The following ARHGAP15 variants were observed in gnomAD, a reference collection of about 807,000 sequenced individuals.
ARHGAP15 encodes the protein rho GTPase-activating protein 15.
Under a neutral mutation model 63.7 loss-of-function variants are expected in ARHGAP15, and 51 were observed. The observed-to-expected ratio is 0.80, with a 90% confidence interval of 0.64 to 1.01. The LOEUF (loss-of-function observed/expected upper bound fraction) is 1.01. ARHGAP15 is among the 50% of genes least tolerant of loss of function. The probability of loss-of-function intolerance (pLI) is 0.00; values close to 1 mark genes in which losing one functional copy is unlikely to be tolerated. For missense variants in ARHGAP15, 560 were observed against 564.6 expected, an observed-to-expected ratio of 0.99 and a Z score of 0.08; for synonymous variants, 191 against 193.8, an observed-to-expected ratio of 0.99 and a Z score of 0.12.
intron 12 of ARHGAP15, among the ~76,000 whole-genome samples, chr2:143,644,951 T>C (rs978847080): frequency 2.0e-5 from 3 of 152,036 alleles, no homozygotes; most frequent in African/African-American, 4.8e-5. Flanking sequence ...TATAGAAAAC[T>C]GTATGTTGGG....
At chr2:143,162,124 A>G (rs1303824333) in intron 2 of ARHGAP15, 1 of 152,028 alleles carries the variant, frequency 6.6e-6, no homozygotes, top group Admixed American at 6.6e-5. Flanking sequence ...AAGATCTGAC[A>G]GAAGTCACAC....
chr2:143,253,051 G>A (rs1480575873), intron 6 of ARHGAP15, among the ~76,000 whole-genome samples: 5 of 152,034 alleles, frequency 3.3e-5, no homozygotes, highest in Non-Finnish European at 7.4e-5. Context: ...TGCTACATTG[G>A]AAATAGCTTT....
chr2:143,531,511 A>G (rs891596141), intron 10 of ARHGAP15, among the ~76,000 whole-genome samples: 12 of 152,234 alleles, frequency 7.9e-5, no homozygotes, highest in Non-Finnish European at 1.2e-4. Flanking sequence ...TAGGGTAAGA[A>G]AAAAGAACTT....
At chr2:143,302,098 T>C (rs775984003) in intron 6 of ARHGAP15, among the ~76,000 whole-genome samples, 1 of 151,992 alleles carries the variant, frequency 6.6e-6, no homozygotes, top group Non-Finnish European at 1.5e-5. Context: ...TTCGTTAACC[T>C]CAATTTGTTC....
intron 2 of ARHGAP15, among the ~76,000 whole-genome samples, chr2:143,174,851 C>T (rs1333327647): frequency 6.6e-6 from 1 of 152,068 alleles, no homozygotes; most frequent in Admixed American, 6.6e-5. Flanking sequence ...AGTCTTTATA[C>T]AAACACAATG....
chr2:143,667,981 C>G (rs1682314731), intron 12 of ARHGAP15, among the ~76,000 whole-genome samples: 1 of 151,766 alleles, frequency 6.6e-6, no homozygotes, highest in African/African-American at 2.4e-5. Flanking sequence ...GAGCAAGACC[C>G]TGTCTCAAAA....
chr2:143,602,496 T>A (rs1697814483), intron 11 of ARHGAP15, among the ~76,000 whole-genome samples: 1 of 152,184 alleles, frequency 6.6e-6, no homozygotes, highest in South Asian at 2.1e-4. Context: ...TTTGTTTGTT[T>A]GCTTGTTTTC....
chr2:143,509,629 C>T (rs1693489089), intron 9 of ARHGAP15, among the ~76,000 whole-genome samples: 1 of 152,156 alleles, frequency 6.6e-6, no homozygotes, highest in Non-Finnish European at 1.5e-5. Context: ...CAAACATTCT[C>T]AGTAAAGTTT....
chr2:143,184,611 A>C (rs1691366783), intron 2 of ARHGAP15, among the ~76,000 whole-genome samples: 1 of 152,040 alleles, frequency 6.6e-6, no homozygotes. Context: ...TTTGTCAATC[A>C]AATGACATTT....
intron 12 of ARHGAP15, among the ~76,000 whole-genome samples, chr2:143,673,719 A>G (rs1682649519): frequency 1.2e-5 from 1 of 84,608 alleles, no homozygotes; most frequent in African/African-American, 3.6e-5. Flanking sequence ...TAAAGGCCTT[A>G]TATTGTGTGT....
chr2:143,549,316 A>G (rs1695462066), intron 10 of ARHGAP15, among the ~76,000 whole-genome samples: 1 of 152,176 alleles, frequency 6.6e-6, no homozygotes, highest in South Asian at 2.1e-4. Context: ...TGTTTTAAAA[A>G]CAAAAAAATG....
chr2:143,255,492 T>C (rs1408248445), intron 6 of ARHGAP15, among the ~76,000 whole-genome samples: 2 of 152,066 alleles, frequency 1.3e-5, no homozygotes, highest in Non-Finnish European at 2.9e-5. Flanking sequence ...TTTTATGTAA[T>C]ATTCTCCATG....
intron 2 of ARHGAP15, among the ~76,000 whole-genome samples, chr2:143,188,560 C>T (rs997379059): frequency 1.3e-5 from 2 of 151,160 alleles, no homozygotes; most frequent in African/African-American, 4.9e-5. Flanking sequence ...GAACATGTAA[C>T]TTCTTGTTGC....
intron 8 of ARHGAP15, among the ~76,000 whole-genome samples, chr2:143,462,800 T>C (rs959038786): frequency 7.9e-5 from 12 of 151,812 alleles, no homozygotes; most frequent in African/African-American, 2.9e-4. Context: ...GATGGATGGA[T>C]GGACAGACGG....
At chr2:143,270,164 G>A (rs1461868995) in intron 6 of ARHGAP15, among the ~76,000 whole-genome samples, 4 of 152,028 alleles carry the variant, frequency 2.6e-5, no homozygotes, top group East Asian at 1.9e-4. Flanking sequence ...TAGAGATGGG[G>A]TTTGCCACGT....
At chr2:143,306,291 T>C (rs1683167062) in intron 6 of ARHGAP15, among the ~76,000 whole-genome samples, 1 of 152,066 alleles carries the variant, frequency 6.6e-6, no homozygotes, top group African/African-American at 2.4e-5. Flanking sequence ...TACTACAGTG[T>C]TCGGATTTGT....
intron 10 of ARHGAP15, among the ~76,000 whole-genome samples, chr2:143,537,216 GACGA>G (rs1559035764): frequency 9.6e-5 from 7 of 72,652 alleles, no homozygotes; most frequent in Admixed American, 4.9e-4. Flanking sequence ...CCCACTTTTT[GACGA>G]GGTTGTTTGT....
chr2:143,738,456 A>G (rs1685838894), intron 13 of ARHGAP15, among the ~76,000 whole-genome samples: 1 of 152,160 alleles, frequency 6.6e-6, no homozygotes, highest in South Asian at 2.1e-4. Context: ...CCAATATTGT[A>G]TAGGTTGGTT....
chr2:143,320,543 A>C (rs947431827), intron 6 of ARHGAP15, among the ~76,000 whole-genome samples: 5 of 151,852 alleles, frequency 3.3e-5, no homozygotes, highest in Admixed American at 3.3e-4. Context: ...AGACCCTAGA[A>C]TCTAACTGGG....
Sources: gnomAD v4.1 joint callset for allele counts (sites outside exome capture counted in the v4.1 genomes callset) on GRCh38, gnomAD v4.1.1 for gene constraint, MANE v1.5 for transcripts, NCBI Gene and HGNC (gene_info 2026-07-23, HGNC 2026-07-21) for gene names.